EBF2: variants seen among roughly 807,000 people sequenced by gnomAD.
EBF2 encodes the protein EBF transcription factor 2.
A neutral mutation model predicts 72.8 loss-of-function variants in EBF2; 21 were observed. The ratio of observed to expected loss-of-function variants is 0.29; its 90% CI spans 0.20 to 0.42. The LOEUF (loss-of-function observed/expected upper bound fraction) is 0.42, where lower values mean the gene tolerates loss of function less well. Among genes scored for constraint, EBF2 ranks in the 10% least tolerant of loss-of-function variants. The pLI is 1.00. For synonymous variants in EBF2, 299 were observed against 274.2 expected (o/e 1.09, Z -0.89); for missense variants, 637 against 731.2 (o/e 0.87, Z 1.49).
intron 6 of EBF2, among the ~76,000 whole-genome samples, chr8:25,916,721 C>T (rs919666335): frequency 6.6e-6 from 1 of 152,102 alleles, no homozygotes; most frequent in Non-Finnish European, 1.5e-5. Flanking sequence ...AAAAAATGGT[C>T]GATGGGAGTC....
chr8:25,844,698 T>C, intron 15 of EBF2, 58 bp from the exon 16 acceptor site: 2 of 1,597,976 alleles, frequency 1.3e-6, no homozygotes, highest in Non-Finnish European at 1.7e-6. Flanking sequence ...TTCAAGGCTA[T>C]GACACAGAAT....
chr8:25,948,816 T>C (rs1326080685), intron 6 of EBF2, among the ~76,000 whole-genome samples: 8 of 152,216 alleles, frequency 5.3e-5, no homozygotes. Context: ...CTACGTTGAC[T>C]CTGGCTGCCT....
chr8:25,927,241 G>A (rs1278446300), intron 6 of EBF2, among the ~76,000 whole-genome samples: 2 of 151,884 alleles, frequency 1.3e-5, no homozygotes, highest in Non-Finnish European at 2.9e-5. Context: ...CCTGTCTTAT[G>A]AATTTCAGAC....
chr8:26,010,274 T>A (rs1804955309), intron 6 of EBF2, among the ~76,000 whole-genome samples: 1 of 152,206 alleles, frequency 6.6e-6, no homozygotes, highest in African/African-American at 2.4e-5. Context: ...ATGAACTAAC[T>A]CTGAAATCTG....
At chr8:26,017,935 G>A (rs1805138749) in intron 6 of EBF2, among the ~76,000 whole-genome samples, 3 of 152,136 alleles carry the variant, frequency 2.0e-5, no homozygotes, top group Admixed American at 6.5e-5. Flanking sequence ...GCATGCACTT[G>A]GCGCAGCCCA....
chr8:26,025,998 C>A (rs1441123766), intron 6 of EBF2, among the ~76,000 whole-genome samples: 3 of 152,034 alleles, frequency 2.0e-5, no homozygotes, highest in Non-Finnish European at 4.4e-5. Context: ...CAGAGTGAGA[C>A]CCTGTCTCTA....
intron 6 of EBF2, among the ~76,000 whole-genome samples, chr8:26,017,560 C>G (rs1055525028): frequency 6.6e-6 from 1 of 152,116 alleles, no homozygotes; most frequent in African/African-American, 2.4e-5. Flanking sequence ...TGTCCTCTCA[C>G]AGGGCCATGT....
In EBF2 at chr8:25,862,816, C is replaced by G. The variant is rs780455209; in HGVS notation, c.1010-19G>C. On this transcript the variant is annotated intron_variant, in intron 10 of 15. Coordinates refer to ENST00000520164, the MANE Select transcript of EBF2 (RefSeq NM_022659.4). Reference sequence around the variant, plus strand: ...TTTAATGCTGAAAGAGAAAAGTCCTCTTTCTGAGTTGGTATCCTGGCTATA... The same window carrying G: ...TTTAATGCTGAAAGAGAAAAGTCCTGTTTCTGAGTTGGTATCCTGGCTATA... 6.4e-7 allele frequency: 1 copy of G among 1,562,854 alleles called. No homozygotes were observed. Among genetic ancestry groups the G allele is most frequent in the Non-Finnish European group, 8.7e-7 (1 of 1,151,812 alleles).
At chr8:25,969,547 T>C in intron 6 of EBF2, among the ~76,000 whole-genome samples, 1 of 152,208 alleles carries the variant, frequency 6.6e-6, no homozygotes, top group East Asian at 1.9e-4. Flanking sequence ...GAGGACACTT[T>C]CTAAACTGAG....
chr8:26,008,605 C>T (rs1399810652), intron 6 of EBF2, among the ~76,000 whole-genome samples: 1 of 152,124 alleles, frequency 6.6e-6, no homozygotes, highest in African/African-American at 2.4e-5. Context: ...TTGCAAAGTG[C>T]TAAGTGCAGT....
chr8:25,854,843 C>A (rs1177479157), intron 14 of EBF2, among the ~76,000 whole-genome samples: 2 of 152,034 alleles, frequency 1.3e-5, no homozygotes, highest in Non-Finnish European at 2.9e-5. Flanking sequence ...AACAATTGAA[C>A]CCCAGAGCAT....
At chr8:26,025,939 A>T (rs993499356) in intron 6 of EBF2, among the ~76,000 whole-genome samples, 1 of 152,180 alleles carries the variant, frequency 6.6e-6, no homozygotes, top group Non-Finnish European at 1.5e-5. Flanking sequence ...TGGAAGCCTG[A>T]GGTAGTAGGA....
chr8:25,934,768 G>A (rs1467481094), intron 6 of EBF2, among the ~76,000 whole-genome samples: 1 of 152,266 alleles, frequency 6.6e-6, no homozygotes, highest in Admixed American at 6.5e-5. Context: ...TACGTTTGCC[G>A]GGGCAATGAC....
At chr8:25,942,839 G>A (rs1803699713) in intron 6 of EBF2, among the ~76,000 whole-genome samples, 1 of 152,052 alleles carries the variant, frequency 6.6e-6, no homozygotes, top group African/African-American at 2.4e-5. Context: ...AGCTTAATGA[G>A]AATTTTCCAC....
chr8:26,030,114 G>A (rs1805374241), intron 6 of EBF2, among the ~76,000 whole-genome samples: 1 of 152,052 alleles, frequency 6.6e-6, no homozygotes, highest in African/African-American at 2.4e-5. Flanking sequence ...ATCCCACTAT[G>A]GTGCTCAGGT....
chr8:25,883,397 G>GTT (rs897805130), intron 10 of EBF2, among the ~76,000 whole-genome samples: 8 of 145,914 alleles, frequency 5.5e-5, no homozygotes, highest in African/African-American at 1.1e-4. Context: ...TTATTGTAAT[G>GTT]TAACTGTAGC....
At chr8:25,899,691 G>A (rs534718489) in intron 7 of EBF2, among the ~76,000 whole-genome samples, 6 of 152,292 alleles carry the variant, frequency 3.9e-5, no homozygotes, top group East Asian at 1.9e-4. Flanking sequence ...ATGAGTAGCC[G>A]TGCCCTTTGC....
intron 6 of EBF2, among the ~76,000 whole-genome samples, chr8:25,975,045 A>T (rs566180738): frequency 6.6e-6 from 1 of 152,286 alleles, no homozygotes; most frequent in Non-Finnish European, 1.5e-5. Context: ...TTAATCAGAG[A>T]CCACAAAGTT....
intron 6 of EBF2, among the ~76,000 whole-genome samples, chr8:26,020,557 A>C (rs1339591551): frequency 6.6e-6 from 1 of 152,218 alleles, no homozygotes; most frequent in Non-Finnish European, 1.5e-5. Context: ...ACCCACTAGA[A>C]ATGCAGGGCA....
Sources: allele counts gnomAD v4.1 joint callset (sites outside exome capture counted in the v4.1 genomes callset), GRCh38; gene constraint gnomAD v4.1.1; transcripts MANE v1.5; gene names NCBI Gene and HGNC (gene_info 2026-07-23, HGNC 2026-07-21).